PDE11A: variants seen among roughly 807,000 people sequenced by gnomAD.
PDE11A encodes the protein phosphodiesterase 11A, also known as dual 3',5'-cyclic-AMP and -GMP phosphodiesterase 11A.
Under a neutral mutation model 100.5 loss-of-function variants are expected in PDE11A, and 100 were observed. The observed-to-expected ratio is 1.00, with a 90% CI of 0.85 to 1.18. The LOEUF is 1.18. PDE11A is among the 50% of genes most tolerant of loss of function. The pLI, the probability that PDE11A is intolerant of heterozygous loss-of-function variation, is 0.00. For synonymous variants in PDE11A, 381 were observed against 420.8 expected (o/e 0.91, Z 1.16); for missense variants, 1,141 against 1,152.6 (o/e 0.99, Z 0.15).
chr2:177,719,671 T>C (rs1486408155), intron 12 of PDE11A, among the ~76,000 whole-genome samples: 1 of 152,158 alleles, frequency 6.6e-6, no homozygotes. Context: ...GAAGGCCTTA[T>C]GAGCTTGGAA....
At chr2:177,896,690 C>G (rs892848244) in intron 4 of PDE11A, among the ~76,000 whole-genome samples, 1 of 152,198 alleles carries the variant, frequency 6.6e-6, no homozygotes, top group African/African-American at 2.4e-5. Flanking sequence ...GCAAGTCACA[C>G]AACCTTCTGA....
intron 2 of PDE11A, among the ~76,000 whole-genome samples, chr2:177,967,199 TC>T (rs1165643307): frequency 5.4e-5 from 7 of 129,528 alleles, no homozygotes; most frequent in South Asian, 5.1e-4. Flanking sequence ...GTCTCCTTTG[TC>T]TTTTTTTTTT....
At chr2:178,038,218 GATATGAATATA>G (rs2086641326) in intron 1 of PDE11A, among the ~76,000 whole-genome samples, 1 of 151,986 alleles carries the variant, frequency 6.6e-6, no homozygotes, top group African/African-American at 2.4e-5. Flanking sequence ...CCACAATCAA[GATATGAATATA>G]ACTATCACCC....
In PDE11A at chr2:178,072,747, C is replaced by T; in HGVS notation, c.-310G>A. On this transcript the variant is annotated 5_prime_UTR_variant, in exon 1 of 20. Transcript: ENST00000286063. ...CTATCGCTGCTCCTGTTCTGGCTGC[C>T]GCCGCTGCTGCTGGAACTGCTGCTG... 7.6e-7 allele frequency: 1 copy of T among 1,318,492 alleles called. No individual in the cohort carries two copies. Among genetic ancestry groups the T allele is most frequent in the Non-Finnish European group, 9.7e-7 (1 of 1,027,296 alleles). 81.7% of individuals were successfully genotyped at this position (1,318,492 alleles called of 1,614,324 possible). A position where few individuals can be genotyped will look rare whatever the true frequency, so the allele number is the denominator to read the frequency against.
At chr2:177,886,175 T>C (rs905227832) in intron 4 of PDE11A, among the ~76,000 whole-genome samples, 1 of 152,190 alleles carries the variant, frequency 6.6e-6, no homozygotes, top group Non-Finnish European at 1.5e-5. Flanking sequence ...GGAATAACAG[T>C]AAGCAGGGAA....
At chr2:177,732,348 T>C in intron 10 of PDE11A, among the ~76,000 whole-genome samples, 1 of 152,260 alleles carries the variant, frequency 6.6e-6, no homozygotes. Context: ...TGGTAATTTG[T>C]TCCAATTCAA....
At chr2:178,105,416 G>A (rs561249652) in intron 1 of PDE11A, among the ~76,000 whole-genome samples, 27 of 152,062 alleles carry the variant, frequency 1.8e-4, no homozygotes, top group Non-Finnish European at 3.8e-4. Context: ...CTGAGATTGC[G>A]CCACTGCACT....
chr2:177,703,697 A>G (rs2105545837), intron 13 of PDE11A, among the ~76,000 whole-genome samples: 1 of 152,304 alleles, frequency 6.6e-6, no homozygotes, highest in Admixed American at 6.5e-5. Flanking sequence ...ACTCCACAAA[A>G]GCTGCATCAG....
chr2:177,969,307 C>T (rs1188277823), intron 2 of PDE11A, among the ~76,000 whole-genome samples: 1 of 152,068 alleles, frequency 6.6e-6, no homozygotes, highest in African/African-American at 2.4e-5. Flanking sequence ...AGGAGAAATA[C>T]CTAATGCATG....
At chr2:177,744,340 C>CTTT (rs5836624) in intron 10 of PDE11A, among the ~76,000 whole-genome samples, 1 of 146,604 alleles carries the variant, frequency 6.8e-6, no homozygotes, top group Admixed American at 6.8e-5. Context: ...TTGTTTCATG[C>CTTT]TTTTTTTTTT....
At chr2:177,792,208 C>G (rs1355091309) in intron 9 of PDE11A, among the ~76,000 whole-genome samples, 1 of 152,102 alleles carries the variant, frequency 6.6e-6, no homozygotes, top group Non-Finnish European at 1.5e-5. Flanking sequence ...AAATTCTTTT[C>G]TAATGAACTA....
chr2:177,853,798 GTATATATGTGCATATATGTA>G (rs1332157319), intron 5 of PDE11A, among the ~76,000 whole-genome samples: 1 of 134,486 alleles, frequency 7.4e-6, no homozygotes, highest in Non-Finnish European at 1.6e-5. Flanking sequence ...AGATATATAT[GTATATATGTGCATATATGTA>G]TATATATGTG....
chr2:177,901,321 C>T (rs1388057903), intron 3 of PDE11A, among the ~76,000 whole-genome samples: 1 of 152,158 alleles, frequency 6.6e-6, no homozygotes, highest in Non-Finnish European at 1.5e-5. Context: ...CCAACCCAAC[C>T]AATCAGCATT....
At chr2:177,985,452 C>T (rs2085929235) in intron 2 of PDE11A, among the ~76,000 whole-genome samples, 1 of 152,118 alleles carries the variant, frequency 6.6e-6, no homozygotes, top group South Asian at 2.1e-4. Flanking sequence ...AGGCAAGGAA[C>T]ACAGGCATAA....
rs2105570261 is a variant in PDE11A, at chr2:177,811,518, A to G, written c.1737+5311T>C. ...TTAAACAAAATCCAGATAATGTATT[A>G]GTCACTCCAATTTTTAAAGGCTAGA... On this transcript the variant is annotated intron_variant, in intron 9 of 19. Coordinates refer to ENST00000286063, the MANE Select transcript of PDE11A (RefSeq NM_016953.4). 1.3e-5 allele frequency among the ~76,000 whole-genome samples: 2 copies of G among 151,400 alleles called. 1 individual carries two copies. Among genetic ancestry groups the G allele is most frequent in the South Asian group, 4.2e-4 (2 of 4,758 alleles).
intron 4 of PDE11A, among the ~76,000 whole-genome samples, chr2:177,886,244 C>A (rs749952780): frequency 1.3e-5 from 2 of 152,192 alleles, no homozygotes; most frequent in Non-Finnish European, 2.9e-5. Context: ...AGCTATGGAG[C>A]AATCTTTCCT....
rs1173499938 is a variant in PDE11A, at chr2:177,625,670, A to G, written c.*3737T>C. The stretch of plus-strand genomic sequence containing the variant: ...TTTTACAAGAAGGCTCATATTTCAA[A>G]TGTCTTTCTCCAATAGGAAATAAAC... On this transcript the variant is annotated 3_prime_UTR_variant, in exon 20 of 20. Transcript: ENST00000286063. 1 of 152,234 alleles carries G rather than the reference A, an allele frequency of 6.6e-6. No individual in the cohort carries two copies. The allele number at this position is 152,234 out of a possible 1,614,324, so 9.4% of individuals were successfully genotyped here. A position where few individuals can be genotyped will look rare whatever the true frequency, so the allele number is the denominator to read the frequency against.
chr2:178,068,087 T>C (rs1343940481), intron 1 of PDE11A, among the ~76,000 whole-genome samples: 1 of 152,166 alleles, frequency 6.6e-6, no homozygotes, highest in Non-Finnish European at 1.5e-5. Context: ...AGAGAACACC[T>C]GTTACTTGAA....
intron 6 of PDE11A, among the ~76,000 whole-genome samples, chr2:177,827,839 G>A (rs1048329313): frequency 1.3e-5 from 2 of 152,132 alleles, no homozygotes; most frequent in African/African-American, 2.4e-5. Context: ...TACAAGAGGC[G>A]GTCATCTGCA....
Sources: allele counts gnomAD v4.1 joint callset (sites outside exome capture counted in the v4.1 genomes callset), GRCh38; gene constraint gnomAD v4.1.1; transcripts MANE v1.5; gene names NCBI Gene and HGNC (gene_info 2026-07-23, HGNC 2026-07-21).